The following PSPC1 variants were observed in gnomAD, a reference collection of about 807,000 sequenced individuals.
PSPC1 encodes the protein paraspeckle protein 1.
Under a neutral mutation model 51.6 loss-of-function variants are expected in PSPC1, and 14 were observed. The observed-to-expected ratio is 0.27, with a 90% CI of 0.18 to 0.42. The LOEUF is 0.42. PSPC1 is among the 10% of genes least tolerant of loss of function. PSPC1 has a pLI of 1.00. For missense variants in PSPC1, 406 were observed against 701.1 expected (o/e 0.58, Z 4.75); for synonymous variants, 193 against 231.9 (o/e 0.83, Z 1.53).
At chr13:19,711,411 C>A (rs567951804) in intron 6 of PSPC1, among the ~76,000 whole-genome samples, 2 of 151,824 alleles carry the variant, frequency 1.3e-5, no homozygotes, top group Admixed American at 1.3e-4. Flanking sequence ...CCGAGATGGG[C>A]GGATCATGAG....
intron 6 of PSPC1, among the ~76,000 whole-genome samples, chr13:19,682,300 G>C (rs1877353666): frequency 6.6e-6 from 1 of 151,956 alleles, no homozygotes; most frequent in Non-Finnish European, 1.5e-5. Flanking sequence ...AATATCATCT[G>C]GCTTTTCAGA....
rs1268496067 is a variant in PSPC1 at position 19,733,770 on chromosome 13, AG to A, written c.1053-3427del. 9.5e-3 allele frequency among the ~76,000 whole-genome samples: 106 copies of A among 11,156 alleles called. 1 individual carries two copies. The South Asian group carries it at 0.13, about 14-fold the overall frequency. The allele number at this position is 11,156 out of a possible 152,430, so 7.3% of individuals were successfully genotyped here. The stretch of plus-strand genomic sequence containing the variant: ...AGAGCAAGGCTCCATTTCAAAAACA[AG>A]AAAAAAGAAAAAAAAATATATATAT... On this transcript the variant is annotated intron_variant, in intron 5 of 8. Coordinates refer to ENST00000338910, the MANE Select transcript of PSPC1 (RefSeq NM_001354909.2).
At chr13:19,734,944 T>C (rs1884589097) in intron 5 of PSPC1, among the ~76,000 whole-genome samples, 2 of 151,226 alleles carry the variant, frequency 1.3e-5, no homozygotes, top group South Asian at 2.1e-4. Flanking sequence ...CACCACTGCA[T>C]TACAGCCTGA....
intron 3 of PSPC1, among the ~76,000 whole-genome samples, chr13:19,754,003 C>A (rs9506370): frequency 0.64 from 96,569 of 151,458 alleles, 34,390 homozygotes; most frequent in East Asian, 0.89. Flanking sequence ...GAAAAAAAAA[C>A]CACTGAAATA....
At chr13:19,772,187 A>G (rs1311769002) in intron 2 of PSPC1, 55 bp downstream of exon 2, 2 of 1,540,174 alleles carry the variant, frequency 1.3e-6, no homozygotes, top group Non-Finnish European at 8.8e-7. Context: ...ATTCCAAAAC[A>G]GAGAGAAGCC....
chr13:19,749,505 C>T (rs12870358), intron 4 of PSPC1, among the ~76,000 whole-genome samples: 101,251 of 147,136 alleles, frequency 0.69, 37,235 homozygotes, highest in East Asian at 0.9. Flanking sequence ...CCAGGCTGGG[C>T]GACAGAGTGA....
At chr13:19,746,786 T>G (rs575705206) in intron 4 of PSPC1, among the ~76,000 whole-genome samples, 20 of 151,774 alleles carry the variant, frequency 1.3e-4, no homozygotes, top group African/African-American at 4.6e-4. Context: ...AAACAATTAT[T>G]ATTGTAAGGT....
In PSPC1 at chr13:19,744,911, T is replaced by C. The variant is rs141678109; in HGVS notation, c.968-3262A>G. Among the ~76,000 whole-genome samples, 7 of 152,300 alleles carry C rather than the reference T, an allele frequency of 4.6e-5. No individual in the cohort carries two copies. In the East Asian group the frequency reaches 1.4e-3, roughly 29 times the overall value. On this transcript the variant is annotated intron_variant, in intron 4 of 8. Transcript: ENST00000338910. ...TGATCCAGGAAATTACACTCAGGAATTTTTCTTAATAAAATAAAGCCATCT... is the reference window on the plus strand; with the variant it reads ...TGATCCAGGAAATTACACTCAGGAACTTTTCTTAATAAAATAAAGCCATCT...
chr13:19,683,581 G>A (rs1252005211), intron 6 of PSPC1, among the ~76,000 whole-genome samples: 2 of 152,072 alleles, frequency 1.3e-5, no homozygotes, highest in South Asian at 2.1e-4. Flanking sequence ...AATCCAAAAC[G>A]TTTGAATAAC....
intron 5 of PSPC1, among the ~76,000 whole-genome samples, chr13:19,739,874 A>C (rs1170667201): frequency 5.3e-5 from 8 of 151,986 alleles, no homozygotes; most frequent in South Asian, 2.1e-4. Flanking sequence ...AAAAAAAAAA[A>C]AAAAAAACAG....
chr13:19,725,303 T>C (rs943570433), intron 6 of PSPC1, among the ~76,000 whole-genome samples: 2 of 152,248 alleles, frequency 1.3e-5, no homozygotes, highest in African/African-American at 4.8e-5. Context: ...TGGATACTAA[T>C]TTGGATTCCT....
chr13:19,735,899 GCAA>G lies in PSPC1; in HGVS notation c.1053-5558_1053-5556del, dbSNP rs1200746593. 8.8e-3 allele frequency among the ~76,000 whole-genome samples: 1,343 copies of G among 152,034 alleles called. 13 individuals carry two copies. Among genetic ancestry groups the G allele is most frequent in the African/African-American group, 0.031 (1,276 of 41,446 alleles). On this transcript the variant is annotated intron_variant, in intron 5 of 8. Transcript: ENST00000338910. ...TGCAGTGGCGCCATCTCTGCTCACTGCAAGCTACGCCTCCTGGGTTCAAGCCAT... is the reference window on the plus strand; with the variant it reads ...TGCAGTGGCGCCATCTCTGCTCACTGGCTACGCCTCCTGGGTTCAAGCCAT...
intron 7 of PSPC1, among the ~76,000 whole-genome samples, chr13:19,707,100 A>T (rs531635018): frequency 6.6e-6 from 1 of 152,274 alleles, no homozygotes; most frequent in South Asian, 2.1e-4. Flanking sequence ...TCCCCCAGAA[A>T]ACAAACTAAG....
intron 5 of PSPC1, among the ~76,000 whole-genome samples, chr13:19,733,617 C>G (rs1209871762): frequency 3.3e-5 from 5 of 151,574 alleles, no homozygotes; most frequent in Non-Finnish European, 7.4e-5. Flanking sequence ...AAAAAAATTA[C>G]CCAGGTGTGT....
intron 6 of PSPC1, among the ~76,000 whole-genome samples, chr13:19,718,735 G>T (rs942118091): frequency 3.9e-4 from 59 of 152,144 alleles, no homozygotes; most frequent in African/African-American, 1.4e-3. Context: ...CAACTAAGAT[G>T]TCCTTTAGTA....
downstream of PSPC1, chr13:19,671,299 C>G: frequency 6.2e-7 from 1 of 1,603,630 alleles, no homozygotes; most frequent in South Asian, 1.1e-5. Context: ...GGTGACAGTC[C>G]TTTCTTCACA....
chr13:19,714,000 A>G lies in PSPC1; in HGVS notation c.1159-4401T>C, dbSNP rs146720466. On this transcript the variant is annotated intron_variant, in intron 6 of 8. Transcript: ENST00000338910. ...GCACAAGCCAAGAGACTTGGGCCCAATTTTTACTAGTAACCACTGCATTTG... is the reference window on the plus strand; with the variant it reads ...GCACAAGCCAAGAGACTTGGGCCCAGTTTTTACTAGTAACCACTGCATTTG... Among the ~76,000 whole-genome samples, 922 of 152,318 alleles carry G rather than the reference A, an allele frequency of 6.1e-3. 8 individuals carry two copies. The highest frequency in any genetic ancestry group is 0.021 in the African/African-American group (877 of 41,568).
intron 1 of PSPC1, among the ~76,000 whole-genome samples, chr13:19,781,513 A>AT (rs1838133854): frequency 6.6e-6 from 1 of 152,158 alleles, no homozygotes; most frequent in South Asian, 2.1e-4. Context: ...ACTGTGTATC[A>AT]ACTATTCTCC....
chr13:19,770,184 C>T (rs901797436), intron 2 of PSPC1, among the ~76,000 whole-genome samples: 1 of 152,140 alleles, frequency 6.6e-6, no homozygotes, highest in Non-Finnish European at 1.5e-5. Flanking sequence ...AGAATACATA[C>T]TATATGATTT....
Sources: allele counts gnomAD v4.1 joint callset (sites outside exome capture counted in the v4.1 genomes callset), GRCh38; gene constraint gnomAD v4.1.1; transcripts MANE v1.5; gene names NCBI Gene and HGNC (gene_info 2026-07-23, HGNC 2026-07-21).